ATP11B: variants seen among roughly 807,000 people sequenced by gnomAD.
The protein encoded by ATP11B is phospholipid-transporting ATPase IF.
A neutral mutation model predicts 157.8 loss-of-function variants in ATP11B; 81 were observed. The observed-to-expected ratio is 0.51, with a 90% CI of 0.43 to 0.62. ATP11B has a LOEUF of 0.62. Ranked by LOEUF, ATP11B falls within the 20% of genes least tolerant of loss-of-function variation. The probability of loss-of-function intolerance (pLI) is 0.00; values close to 1 mark genes in which losing one functional copy is unlikely to be tolerated. For synonymous variants in ATP11B, 451 were observed against 469.4 expected, an observed-to-expected ratio of 0.96 and a Z score of 0.51; for missense variants, 1,165 against 1,402.2, an observed-to-expected ratio of 0.83 and a Z score of 2.70.
chr3:182,917,069 G>A (rs576507416), intron 29 of ATP11B: 149 of 985,226 alleles, frequency 1.5e-4, no homozygotes, highest in Non-Finnish European at 1.7e-4. Context: ...GAAACTAGTC[G>A]AATTAAAGTT....
intron 25 of ATP11B, among the ~76,000 whole-genome samples, chr3:182,892,355 T>C (rs1723236015): frequency 6.6e-6 from 1 of 152,196 alleles, no homozygotes; most frequent in Non-Finnish European, 1.5e-5. Flanking sequence ...GTTGAATGCT[T>C]CCTGTTTTCT....
intron 21 of ATP11B, among the ~76,000 whole-genome samples, chr3:182,884,436 C>A (rs192993932): frequency 3.3e-5 from 5 of 152,146 alleles, no homozygotes; most frequent in African/African-American, 1.2e-4. Context: ...GTCTGTTACC[C>A]AGTACTTGTG....
Position 182,866,252 on chromosome 3 carries a change from A to G in ATP11B, c.1444-16A>G. 2 of 1,489,894 alleles carry G rather than the reference A, an allele frequency of 1.3e-6. No individual in the cohort carries two copies. The highest frequency in any genetic ancestry group is 9.0e-7 in the Non-Finnish European group (1 of 1,107,238). The allele number at this position is 1,489,894 out of a possible 1,614,324, so 92.3% of individuals were successfully genotyped here. On this transcript the variant is annotated splice_polypyrimidine_tract_variant and intron_variant, in intron 13 of 29. Transcript: ENST00000323116. ...AAATGATATTTTTATCATGAATATT[A>G]ATTACATTTTTACAGATTAAAGAAC... is the stretch of plus-strand genomic sequence containing the variant.
chr3:182,848,617 TG>T (rs1719723914), intron 10 of ATP11B, 60 bp downstream of exon 10: 1 of 838,780 alleles, frequency 1.2e-6, no homozygotes, highest in Non-Finnish European at 1.7e-6. Flanking sequence ...TTTATTCGTT[TG>T]GTATAAAATA....
intron 1 of ATP11B, among the ~76,000 whole-genome samples, chr3:182,813,190 T>A (rs1297158715): frequency 6.6e-6 from 1 of 152,178 alleles, no homozygotes; most frequent in East Asian, 1.9e-4. Context: ...GGTGTAGAAA[T>A]ATTCTTCGAG....
intron 18 of ATP11B, 69 bp downstream of exon 18, chr3:182,872,606 A>G: frequency 7.9e-7 from 1 of 1,273,152 alleles, no homozygotes; most frequent in South Asian, 1.6e-5. Context: ...GTATTCTAAT[A>G]TGTGACATAA....
At chr3:182,867,075 C>T (rs1721295757) in intron 14 of ATP11B, among the ~76,000 whole-genome samples, 1 of 151,606 alleles carries the variant, frequency 6.6e-6, no homozygotes, top group African/African-American at 2.4e-5. Context: ...ACTACAGGCA[C>T]AGGGCACCAC....
chr3:182,907,694 G>C (rs917258694), intron 28 of ATP11B, among the ~76,000 whole-genome samples: 11 of 152,178 alleles, frequency 7.2e-5, no homozygotes, highest in African/African-American at 2.7e-4. Context: ...TGCTGCCTAG[G>C]ATTTATGTTA....
chr3:182,793,967 G>T (rs906701293), intron 1 of ATP11B, among the ~76,000 whole-genome samples, 181 bp downstream of exon 1: 4 of 151,928 alleles, frequency 2.6e-5, no homozygotes, highest in Admixed American at 2.6e-4. Flanking sequence ...TCCCGGGCTC[G>T]TCTCGCCTCC....
At chr3:182,845,785 A>G (rs1231182639) in intron 9 of ATP11B, among the ~76,000 whole-genome samples, 2 of 152,222 alleles carry the variant, frequency 1.3e-5, no homozygotes, top group African/African-American at 4.8e-5. Context: ...CAGATAATTT[A>G]TATAACACTT....
chr3:182,879,755 C>T, intron 20 of ATP11B, 106 bp downstream of exon 20: 1 of 1,037,924 alleles, frequency 9.6e-7, no homozygotes, highest in Non-Finnish European at 1.3e-6. Context: ...GCAATATATA[C>T]ATTTTGCTAG....
intron 28 of ATP11B, among the ~76,000 whole-genome samples, chr3:182,911,044 G>C (rs1167869198): frequency 6.6e-6 from 1 of 152,078 alleles, no homozygotes; most frequent in Non-Finnish European, 1.5e-5. Flanking sequence ...TCACAGATTA[G>C]AAATGCTTAT....
At chr3:182,806,496 C>CT (rs1473385474) in intron 1 of ATP11B, among the ~76,000 whole-genome samples, 1 of 152,042 alleles carries the variant, frequency 6.6e-6, no homozygotes, top group East Asian at 1.9e-4. Context: ...GTTGAAGCCT[C>CT]TTAATTTGTT....
At chr3:182,872,685 G>A (rs886203849) in intron 18 of ATP11B, 148 bp downstream of exon 18, 19 of 710,226 alleles carry the variant, frequency 2.7e-5, no homozygotes, top group African/African-American at 7.1e-5. Context: ...AATTTTTCCC[G>A]GTCAGTATGT....
intron 5 of ATP11B, 96 bp downstream of exon 5, chr3:182,836,238 C>T (rs1718541498): frequency 5.1e-6 from 8 of 1,562,178 alleles, no homozygotes; most frequent in Admixed American, 3.5e-5. Flanking sequence ...AGCCTACTTT[C>T]CTATGCTAAA....
chr3:182,813,639 C>T (rs747573142), intron 1 of ATP11B, among the ~76,000 whole-genome samples: 1 of 152,176 alleles, frequency 6.6e-6, no homozygotes, highest in Admixed American at 6.5e-5. Context: ...ATATTTCACT[C>T]TACAGAACCG....
At chr3:182,823,989 C>T (rs552647221) in intron 2 of ATP11B, among the ~76,000 whole-genome samples, 160 of 151,472 alleles carry the variant, frequency 1.1e-3, no homozygotes, top group Non-Finnish European at 2.0e-3. Flanking sequence ...TGCAGCAGGT[C>T]CCCCTCCTCC....
At chr3:182,850,888 A>G (rs1268518440) in intron 10 of ATP11B, among the ~76,000 whole-genome samples, 1 of 152,236 alleles carries the variant, frequency 6.6e-6, no homozygotes, top group African/African-American at 2.4e-5. Flanking sequence ...CTAAAAAAAA[A>G]GGTATACATA....
intron 10 of ATP11B, among the ~76,000 whole-genome samples, chr3:182,849,656 A>G (rs1719811470): frequency 6.6e-6 from 1 of 152,228 alleles, no homozygotes. Flanking sequence ...ACCAGACTGA[A>G]TAAATCAGAC....
Sources: allele counts gnomAD v4.1 joint callset (sites outside exome capture counted in the v4.1 genomes callset), GRCh38; gene constraint gnomAD v4.1.1; transcripts MANE v1.5; gene names NCBI Gene and HGNC (gene_info 2026-07-23, HGNC 2026-07-21).